The following AFAP1L2 variants were observed in gnomAD, a reference collection of about 807,000 sequenced individuals.
The protein encoded by AFAP1L2 is actin filament associated protein 1 like 2.
Under a neutral mutation model 99.3 loss-of-function variants are expected in AFAP1L2, and 46 were observed. The ratio of observed to expected loss-of-function variants is 0.46; its 90% CI spans 0.37 to 0.59. The LOEUF is 0.59. Ranked by LOEUF, AFAP1L2 falls within the 20% of genes least tolerant of loss-of-function variation. The pLI is 0.00. For missense variants in AFAP1L2, 959 were observed against 1,034.9 expected (o/e 0.93, Z 1.01); for synonymous variants, 397 against 419.1 (o/e 0.95, Z 0.64).
At chr10:114,398,713 G>A (rs1266256064) in intron 1 of AFAP1L2, 4 of 691,652 alleles carry the variant, frequency 5.8e-6, no homozygotes, top group Non-Finnish European at 8.4e-6. Flanking sequence ...CCGAGCCCCT[G>A]AGTGCCCAGG....
At chr10:114,365,976 T>A (rs2053184724) in intron 1 of AFAP1L2, among the ~76,000 whole-genome samples, 2 of 152,104 alleles carry the variant, frequency 1.3e-5, no homozygotes, top group Non-Finnish European at 1.5e-5. Context: ...CCTCAAGTGA[T>A]CCTTCTGCCT....
intron 1 of AFAP1L2, among the ~76,000 whole-genome samples, chr10:114,396,739 G>A (rs559059495): frequency 3.3e-5 from 5 of 152,192 alleles, no homozygotes; most frequent in Non-Finnish European, 7.3e-5. Flanking sequence ...TTCCCAGGGT[G>A]GGAACCTGAG....
chr10:114,370,456 A>G (rs547696862), intron 1 of AFAP1L2, among the ~76,000 whole-genome samples: 1 of 152,380 alleles, frequency 6.6e-6, no homozygotes, highest in Non-Finnish European at 1.5e-5. Flanking sequence ...GGGTAAGCCC[A>G]GCAGGCCATA....
rs751362392 is a variant in AFAP1L2 at position 114,310,381 on chromosome 10, C to T, written c.855G>A (p.Pro285=). Residue 285 remains proline, a synonymous_variant, in exon 8 of 19, where the codon CCG becomes CCA. Transcript: ENST00000304129. ...TCTGGCAGTTAAAGCGCTGGGCATC[C>T]GGGGTGTACTGGTTTCCTTCAGATG... is the stretch of plus-strand genomic sequence containing the variant. ...EGASEGNQYT[P]DAQRFNCQKP... 5.5e-5 allele frequency: 88 copies of T among 1,613,734 alleles called. No individual in the cohort carries two copies. The Middle Eastern group carries it at 1.8e-3, about 33-fold the overall frequency.
In AFAP1L2 at chr10:114,310,997, G is replaced by A. The variant is rs977314476; in HGVS notation, c.793-554C>T. ...CCTCTGGGAAGGGGCCTCTTCACTG[G>A]CTTCATTGACCAGTGGAGGAAGAGG... On this transcript the variant is annotated intron_variant, in intron 7 of 18. Transcript: ENST00000304129. Among the ~76,000 whole-genome samples, 75 of 121,920 alleles carry A rather than the reference G, an allele frequency of 6.2e-4. 1 individual carries two copies. Among genetic ancestry groups the A allele is most frequent in the Middle Eastern group, 6.7e-3 (1 of 150 alleles). The allele number at this position is 121,920 out of a possible 152,430, so 80.0% of individuals were successfully genotyped here.
chr10:114,337,293 C>T (rs559838564), intron 2 of AFAP1L2, among the ~76,000 whole-genome samples: 1 of 152,216 alleles, frequency 6.6e-6, no homozygotes, highest in Non-Finnish European at 1.5e-5. Context: ...AAAGGGAATA[C>T]ACTTTGGGAT....
intron 1 of AFAP1L2, among the ~76,000 whole-genome samples, chr10:114,361,891 A>G (rs1310677298): frequency 6.6e-6 from 1 of 152,148 alleles, no homozygotes; most frequent in Non-Finnish European, 1.5e-5. Flanking sequence ...CACCTCTTGG[A>G]TGAGGCTCCA....
At chr10:114,333,149 C>T in intron 3 of AFAP1L2, 72 bp downstream of exon 3, 1 of 1,391,004 alleles carries the variant, frequency 7.2e-7, no homozygotes, top group Non-Finnish European at 1.0e-6. Context: ...AGAGGTGGGA[C>T]AGAACCAGCT....
chr10:114,315,445 A>T, intron 6 of AFAP1L2, 115 bp downstream of exon 6: 1 of 1,033,090 alleles, frequency 9.7e-7, no homozygotes, highest in Non-Finnish European at 1.4e-6. Flanking sequence ...AAATCTCCTG[A>T]CATAAACAAG....
the AFAP1L2 span, among the ~76,000 whole-genome samples, chr10:114,287,813 A>G: frequency 1.2e-4 from 18 of 152,372 alleles, no homozygotes; most frequent in African/African-American, 3.4e-4. Context: ...GCACAGTGTT[A>G]TCATTAATGA....
chr10:114,397,493 T>C (rs1328889005), intron 1 of AFAP1L2, among the ~76,000 whole-genome samples: 1 of 152,160 alleles, frequency 6.6e-6, no homozygotes, highest in African/African-American at 2.4e-5. Context: ...TGGTTCCAGC[T>C]CATGTTTGCT....
rs571967149 is a variant in AFAP1L2, at chr10:114,369,556, C to T, written c.17-28825G>A. 2.8e-5 allele frequency among the ~76,000 whole-genome samples: 4 copies of T among 142,264 alleles called. No individual in the cohort carries two copies. In the South Asian group the frequency reaches 6.6e-4, roughly 24 times the overall value. The allele number at this position is 142,264 out of a possible 152,430, so 93.3% of individuals were successfully genotyped here. On this transcript the variant is annotated intron_variant, in intron 1 of 18. Transcript: ENST00000304129. Reference sequence around the variant, plus strand: ...CTTGCAGTGAGCCGACATCGTGCCACTGCAGTCCAGCCTGGGCCACAGAGC... The same window carrying T: ...CTTGCAGTGAGCCGACATCGTGCCATTGCAGTCCAGCCTGGGCCACAGAGC...
At chr10:114,337,008 A>G (rs190925535) in intron 2 of AFAP1L2, among the ~76,000 whole-genome samples, 1 of 152,322 alleles carries the variant, frequency 6.6e-6, no homozygotes, top group Admixed American at 6.5e-5. Flanking sequence ...CTATCTTGAG[A>G]TGATCACCTC....
intron 5 of AFAP1L2, among the ~76,000 whole-genome samples, chr10:114,321,591 C>T (rs1564861006): frequency 2.0e-5 from 3 of 152,166 alleles, no homozygotes; most frequent in Admixed American, 1.3e-4. Flanking sequence ...AGTTCATTCC[C>T]AGCCCCAGGG....
chr10:114,362,640 GT>G (rs1265262641), intron 1 of AFAP1L2, among the ~76,000 whole-genome samples: 1 of 152,132 alleles, frequency 6.6e-6, no homozygotes, highest in Non-Finnish European at 1.5e-5. Context: ...AATTCCACCT[GT>G]TTTAAACCAA....
At chr10:114,296,259 C>G in intron 18 of AFAP1L2, 191 bp from the exon 19 acceptor site, 1 of 704,582 alleles carries the variant, frequency 1.4e-6, no homozygotes, top group East Asian at 2.6e-5. Flanking sequence ...GACTGTGGCA[C>G]AACAGCGAGT....
chr10:114,348,265 C>T (rs2136127443), intron 1 of AFAP1L2, among the ~76,000 whole-genome samples: 1 of 152,176 alleles, frequency 6.6e-6, no homozygotes. Flanking sequence ...ACAGTAAACG[C>T]TCCTGTTTTT....
At chr10:114,340,467 T>C (rs2048651318) in intron 2 of AFAP1L2, 136 bp downstream of exon 2, 4 of 1,242,926 alleles carry the variant, frequency 3.2e-6, no homozygotes, top group Non-Finnish European at 2.2e-6. Flanking sequence ...GTTAGACTTC[T>C]GGCCTCCAGA....
intron 1 of AFAP1L2, among the ~76,000 whole-genome samples, chr10:114,372,432 G>T (rs751488003): frequency 6.6e-6 from 1 of 152,268 alleles, no homozygotes; most frequent in East Asian, 1.9e-4. Context: ...TTTGCCACCC[G>T]TGAAATGACC....
Sources: gnomAD v4.1 joint callset for allele counts (sites outside exome capture counted in the v4.1 genomes callset) on GRCh38, gnomAD v4.1.1 for gene constraint, MANE v1.5 for transcripts, NCBI Gene and HGNC (gene_info 2026-07-23, HGNC 2026-07-21) for gene names.